LRP5: variants seen among roughly 807,000 people sequenced by gnomAD.
LRP5 encodes low-density lipoprotein receptor-related protein 5.
A neutral mutation model predicts 154.1 loss-of-function variants in LRP5; 62 were observed. The observed-to-expected ratio is 0.40, with a 90% CI of 0.33 to 0.50. LRP5 has a LOEUF of 0.50. LRP5 is among the 20% of genes least tolerant of loss of function. The pLI is 0.55. For missense variants in LRP5, 1,915 were observed against 2,336.7 expected, an observed-to-expected ratio of 0.82 and a Z score of 3.72; for synonymous variants, 966 against 1,011.5, an observed-to-expected ratio of 0.96 and a Z score of 0.85.
rs187258305 is a variant in LRP5, at chr11:68,361,363, G to A, written c.687-2384G>A. On this transcript the variant is annotated intron_variant, in intron 3 of 22. Transcript: ENST00000294304. ...TAAAAAATTAAAAGTAAGGCCGGGC[G>A]TGGTGGCTCACGCCTGTAATCCCAG... Among the ~76,000 whole-genome samples, 542 of 151,206 alleles carry A rather than the reference G, an allele frequency of 3.6e-3. 1 individual carries two copies. The highest frequency in any genetic ancestry group is 0.012 in the African/African-American group (515 of 41,282).
At chr11:68,417,736 ACCAGCCTGG>A (rs1331461849) in intron 13 of LRP5, among the ~76,000 whole-genome samples, 3 of 151,948 alleles carry the variant, frequency 2.0e-5, no homozygotes, top group Non-Finnish European at 4.4e-5. Context: ...GGGGTTCGAG[ACCAGCCTGG>A]CCAACATGGT....
chr11:68,395,223 C>T (rs537766158), intron 7 of LRP5, among the ~76,000 whole-genome samples: 1 of 151,400 alleles, frequency 6.6e-6, no homozygotes, highest in African/African-American at 2.4e-5. Flanking sequence ...ATTGCTTAAA[C>T]CTGGGAGGCG....
Position 68,386,243 on chromosome 11 carries a change from G to T in LRP5, c.1016-73G>T. 1 of 1,586,402 alleles carries T rather than the reference G, an allele frequency of 6.3e-7. No individual in the cohort carries two copies. Among genetic ancestry groups the T allele is most frequent in the Non-Finnish European group, 8.6e-7 (1 of 1,167,178 alleles). Reference sequence around the variant, plus strand: ...GCCTGGCTGAGTATTTCCCTTGCCCGGCCCACCCCAGGCCTAGACTTGTGC... The same window carrying T: ...GCCTGGCTGAGTATTTCCCTTGCCCTGCCCACCCCAGGCCTAGACTTGTGC... On this transcript the variant is annotated intron_variant, in intron 5 of 22. Transcript: ENST00000294304. This position sits in a 1 kb window ranked among gnomAD's most constrained non-coding sequence, Gnocchi z 7.9.
At chr11:68,318,057 TA>T (rs1250205353) in intron 1 of LRP5, among the ~76,000 whole-genome samples, 1 of 151,946 alleles carries the variant, frequency 6.6e-6, no homozygotes, top group Non-Finnish European at 1.5e-5. Context: ...TTTTGAGATT[TA>T]ATTTTTTTTT....
chr11:68,312,973 C>T (rs1312073310), intron 1 of LRP5, among the ~76,000 whole-genome samples, 168 bp downstream of exon 1: 1 of 147,874 alleles, frequency 6.8e-6, no homozygotes, highest in African/African-American at 2.5e-5. Context: ...GCGTCCCCGC[C>T]ACGCGCGGGC....
chr11:68,319,601 C>T (rs1327868804), intron 1 of LRP5, among the ~76,000 whole-genome samples: 2 of 152,188 alleles, frequency 1.3e-5, no homozygotes, highest in African/African-American at 4.8e-5. Flanking sequence ...AAGGATCTTC[C>T]TGCCTCAGCC....
chr11:68,331,472 A>C (rs1344748329), intron 1 of LRP5, among the ~76,000 whole-genome samples: 1 of 152,174 alleles, frequency 6.6e-6, no homozygotes, highest in Non-Finnish European at 1.5e-5. Context: ...CATAGCCCCC[A>C]GCTCTGCGGT....
chr11:68,414,122 G>A (rs2098661210), intron 12 of LRP5, 110 bp downstream of exon 12: 2 of 1,044,224 alleles, frequency 1.9e-6, no homozygotes, highest in Admixed American at 4.0e-5. Context: ...GTACATAGAT[G>A]GTTGGGTAGG....
intron 1 of LRP5, among the ~76,000 whole-genome samples, chr11:68,320,988 A>G (rs1025943954): frequency 2.7e-5 from 4 of 147,852 alleles, no homozygotes; most frequent in Non-Finnish European, 5.9e-5. Context: ...GATTATAAAT[A>G]TATCCTCCAT....
rs761101328 is a variant in LRP5, at chr11:68,348,151, C to T, written c.396C>T (p.Ile132=). Residue 132 remains isoleucine, a synonymous_variant, in exon 2 of 23, where the codon ATC becomes ATT. Coordinates refer to ENST00000294304, the MANE Select transcript of LRP5 (RefSeq NM_002335.4). ...LYWTDSETNR[I]EVANLNGTSR... ...GGACGGACTCAGAGACCAACCGCAT[C>T]GAGGTGGCCAACCTCAATGGCACAT... 3.1e-6 allele frequency: 5 copies of T among 1,613,856 alleles called. No individual in the cohort carries two copies. The highest frequency in any genetic ancestry group is 1.7e-5 in the Admixed American group (1 of 60,006).
chr11:68,311,410 G>A (rs1046469508), upstream of LRP5, among the ~76,000 whole-genome samples: 1 of 152,110 alleles, frequency 6.6e-6, no homozygotes, highest in Admixed American at 6.6e-5. Flanking sequence ...TTCCTGAACT[G>A]CCCTCCCACC....
intron 1 of LRP5, among the ~76,000 whole-genome samples, chr11:68,341,448 CCTT>C: frequency 6.6e-6 from 1 of 152,230 alleles, no homozygotes; most frequent in South Asian, 2.1e-4. Flanking sequence ...CCCTTCTCCT[CCTT>C]CTCAAATTAC....
chr11:68,425,887 G>A, intron 15 of LRP5, 91 bp from the exon 16 acceptor site: 1 of 1,136,580 alleles, frequency 8.8e-7, no homozygotes. Flanking sequence ...AGGCTCCCTG[G>A]CAGTCCTGTC....
At chr11:68,377,660 T>C (rs1429908140) in intron 5 of LRP5, among the ~76,000 whole-genome samples, 1 of 152,242 alleles carries the variant, frequency 6.6e-6, no homozygotes, top group African/African-American at 2.4e-5. Context: ...AGGCTGTTTA[T>C]GGCCTTGGGA....
Position 68,416,256 on chromosome 11 carries a change from G to A in LRP5, c.2828-72G>A, listed in dbSNP as rs140877179. On this transcript the variant is annotated intron_variant, in intron 12 of 22. Coordinates refer to ENST00000294304, the MANE Select transcript of LRP5 (RefSeq NM_002335.4). The stretch of plus-strand genomic sequence containing the variant: ...GCTGAGCCGCCTGTTGTCGAGTGGC[G>A]TGCTATCCCGTCCTCCAGCTCCTCT... 1,203 of 1,345,452 alleles carry A rather than the reference G, an allele frequency of 8.9e-4. 3 individuals are homozygous for A. The Middle Eastern group carries it at 0.019, about 22-fold the overall frequency. The allele number at this position is 1,345,452 out of a possible 1,614,324, so 83.3% of individuals were successfully genotyped here. A position where few individuals can be genotyped will look rare whatever the true frequency, so the allele number is the denominator to read the frequency against.
chr11:68,446,634 T>A, intron 22 of LRP5, 101 bp downstream of exon 22: 1 of 1,087,412 alleles, frequency 9.2e-7, no homozygotes, highest in Non-Finnish European at 1.4e-6. Context: ...GTATTCTGGG[T>A]GCTAGTGGGC....
intron 21 of LRP5, among the ~76,000 whole-genome samples, chr11:68,440,925 C>G (rs142387826): frequency 6.6e-6 from 1 of 152,044 alleles, no homozygotes; most frequent in Admixed American, 6.5e-5. Context: ...TGTGCCACCA[C>G]GCCCAGCTAA....
chr11:68,373,435 A>ACGTGG (rs376406791), intron 5 of LRP5, among the ~76,000 whole-genome samples: 3 of 152,126 alleles, frequency 2.0e-5, no homozygotes, highest in African/African-American at 7.2e-5. Context: ...GGCACTATTT[A>ACGTGG]CGTGGCCCCT....
At chr11:68,337,659 AC>A (rs1177283365) in intron 1 of LRP5, among the ~76,000 whole-genome samples, 1 of 151,174 alleles carries the variant, frequency 6.6e-6, no homozygotes, top group Admixed American at 6.6e-5. Context: ...TGCCTGGTTC[AC>A]CCACAGCCGT....
Sources: allele counts gnomAD v4.1 joint callset (sites outside exome capture counted in the v4.1 genomes callset), GRCh38; gene constraint gnomAD v4.1.1; non-coding constraint Gnocchi (gnomAD v3.1); transcripts MANE v1.5; gene names NCBI Gene and HGNC (gene_info 2026-07-23, HGNC 2026-07-21).